Variants in KIRREL3 observed in about 807,000 individuals in gnomAD.
KIRREL3 encodes kin of IRRE-like protein 3.
KIRREL3 carries 36 observed loss-of-function variants against 89.7 expected under a neutral mutation model. The observed-to-expected ratio is 0.40, with a 90% CI of 0.31 to 0.53. The LOEUF is 0.53. KIRREL3 is among the 20% of genes least tolerant of loss of function. The pLI, the probability that KIRREL3 is intolerant of heterozygous loss-of-function variation, is 0.49. For synonymous variants in KIRREL3, 445 were observed against 441.4 expected (o/e 1.01, Z -0.10); for missense variants, 864 against 1,056.6 (o/e 0.82, Z 2.53).
At chr11:126,442,969 G>A (rs1955641294) in intron 10 of KIRREL3, among the ~76,000 whole-genome samples, 1 of 152,188 alleles carries the variant, frequency 6.6e-6, no homozygotes. Context: ...CTTGGTCAGC[G>A]CCAGGGCCCG....
chr11:126,777,796 G>T (rs375315820), intron 1 of KIRREL3, among the ~76,000 whole-genome samples: 2 of 152,212 alleles, frequency 1.3e-5, no homozygotes, highest in East Asian at 3.9e-4. Flanking sequence ...TCACCATGCT[G>T]TAACTATTTA....
chr11:126,433,318 C>A (rs1371672465), intron 13 of KIRREL3, among the ~76,000 whole-genome samples: 2 of 152,160 alleles, frequency 1.3e-5, no homozygotes, highest in Non-Finnish European at 2.9e-5. Flanking sequence ...CTGTCTTTTT[C>A]TTTAAAGGGA....
intron 7 of KIRREL3, among the ~76,000 whole-genome samples, chr11:126,451,553 CATGT>C (rs1385355275): frequency 1.6e-5 from 2 of 127,378 alleles, no homozygotes; most frequent in Non-Finnish European, 3.3e-5. Flanking sequence ...TGCATGTGTG[CATGT>C]GTGTGATCAT....
At chr11:126,586,401 T>G (rs1405748572) in intron 1 of KIRREL3, among the ~76,000 whole-genome samples, 1 of 152,056 alleles carries the variant, frequency 6.6e-6, no homozygotes, top group Non-Finnish European at 1.5e-5. Flanking sequence ...GCTGAGACCC[T>G]CTCACTGAAC....
chr11:126,621,621 T>C, intron 1 of KIRREL3, among the ~76,000 whole-genome samples: 1 of 152,204 alleles, frequency 6.6e-6, no homozygotes, highest in East Asian at 1.9e-4. Flanking sequence ...TGAATCCTAA[T>C]GTGCATTTTT....
Position 126,744,995 on chromosome 11 carries a change from A to G in KIRREL3, c.56-182083T>C, listed in dbSNP as rs1949097218. The stretch of plus-strand genomic sequence containing the variant: ...GCGAACTGTCTTGCTGGAAGTGTCC[A>G]CTGGGTAGTTGCATATTCTGGTTAG... On this transcript the variant is annotated intron_variant, in intron 1 of 16. Coordinates refer to ENST00000525144, the MANE Select transcript of KIRREL3 (RefSeq NM_032531.4). The surrounding 1 kb of genome is among the most constrained non-coding windows in gnomAD (Gnocchi z 4.7). 6.6e-6 allele frequency among the ~76,000 whole-genome samples: 1 copy of G among 152,116 alleles called. No individual in the cohort carries two copies. Among genetic ancestry groups the G allele is most frequent in the Non-Finnish European group, 1.5e-5 (1 of 68,014 alleles).
At chr11:126,910,096 CA>C (rs1946755865) in intron 1 of KIRREL3, among the ~76,000 whole-genome samples, 1 of 152,068 alleles carries the variant, frequency 6.6e-6, no homozygotes, top group Admixed American at 6.6e-5. Context: ...AGTCCATCAC[CA>C]GCTATTTTTT....
chr11:126,446,663 G>T, intron 9 of KIRREL3, 96 bp downstream of exon 9: 2 of 1,348,188 alleles, frequency 1.5e-6, no homozygotes, highest in Non-Finnish European at 2.0e-6. Flanking sequence ...GACTCCCCCA[G>T]TCTAATAGTG....
In KIRREL3 at chr11:126,607,600, T is replaced by C. The variant is rs1343256865; in HGVS notation, c.56-44688A>G. 4.6e-5 allele frequency among the ~76,000 whole-genome samples: 7 copies of C among 152,186 alleles called. No homozygotes were observed. Among genetic ancestry groups the C allele is most frequent in the Non-Finnish European group, 1.0e-4 (7 of 68,042 alleles). ...TATTAATTGATCGCTGTTATTATCA[T>C]GTAGGCATTAAGTGGCTTCCTCTGC... On this transcript the variant is annotated intron_variant, in intron 1 of 16. Coordinates refer to ENST00000525144, the MANE Select transcript of KIRREL3 (RefSeq NM_032531.4). The surrounding 1 kb of genome is among the most constrained non-coding windows in gnomAD (Gnocchi z 6.6).
chr11:126,765,824 G>A (rs73020575), intron 1 of KIRREL3, among the ~76,000 whole-genome samples: 1,617 of 152,138 alleles, frequency 0.011, 12 homozygotes, highest in Admixed American at 0.016. Context: ...ATGACACCAG[G>A]CACTCTAACT....
rs1946556871 is a variant in KIRREL3 at position 126,683,696 on chromosome 11, A to C, written c.56-120784T>G. Among the ~76,000 whole-genome samples, 1 of 152,238 alleles carries C rather than the reference A, an allele frequency of 6.6e-6. No homozygotes were observed. Among genetic ancestry groups the C allele is most frequent in the Admixed American group, 6.5e-5 (1 of 15,284 alleles). On this transcript the variant is annotated intron_variant, in intron 1 of 16. Coordinates refer to ENST00000525144, the MANE Select transcript of KIRREL3 (RefSeq NM_032531.4). This position sits in a 1 kb window ranked among gnomAD's most constrained non-coding sequence, Gnocchi z 5.2. ...CAGGAACATGGCTCTGAAGGATAGAAGCTGAAAATCAGTGTGCTGATATCA... is the reference window on the plus strand; with the variant it reads ...CAGGAACATGGCTCTGAAGGATAGACGCTGAAAATCAGTGTGCTGATATCA...
chr11:126,560,475 A>G (rs983470285), intron 2 of KIRREL3, among the ~76,000 whole-genome samples: 1 of 152,206 alleles, frequency 6.6e-6, no homozygotes, highest in Non-Finnish European at 1.5e-5. Context: ...ACCAATTGCA[A>G]TTACTCTAAC....
rs1178490533 is a variant in KIRREL3, at chr11:126,990,038, G to A, written c.55+10417C>T. ...AATATTGGCTCCCTGACCCTGGAAG[G>A]GTGGAATCACTCCTTGTGGAAGGGA... On this transcript the variant is annotated intron_variant, in intron 1 of 16. Transcript: ENST00000525144. This position sits in a 1 kb window ranked among gnomAD's most constrained non-coding sequence, Gnocchi z 6.3. Among the ~76,000 whole-genome samples the A allele has an allele frequency of 6.6e-6, 1 of 152,250 alleles. No individual in the cohort carries two copies. The highest frequency in any genetic ancestry group is 2.4e-5 in the African/African-American group (1 of 41,472).
Position 126,761,899 on chromosome 11 carries a change from C to T in KIRREL3, c.56-198987G>A, listed in dbSNP as rs1362349189. On this transcript the variant is annotated intron_variant, in intron 1 of 16. Transcript: ENST00000525144. The surrounding 1 kb of genome is among the most constrained non-coding windows in gnomAD (Gnocchi z 4.4). Reference sequence around the variant, plus strand: ...TTCCTATAATTAAATATAGTTTGGGCTGGGTGAGGTGGCTCAAGCCTGTAA... The same window carrying T: ...TTCCTATAATTAAATATAGTTTGGGTTGGGTGAGGTGGCTCAAGCCTGTAA... Among the ~76,000 whole-genome samples the T allele has an allele frequency of 6.6e-6, 1 of 152,104 alleles. No individual in the cohort carries two copies. The highest frequency in any genetic ancestry group is 1.5e-5 in the Non-Finnish European group (1 of 68,020).
At chr11:126,626,645 C>G (rs1040987817) in intron 1 of KIRREL3, among the ~76,000 whole-genome samples, 12 of 152,216 alleles carry the variant, frequency 7.9e-5, no homozygotes, top group African/African-American at 2.9e-4. Context: ...ACAACCGGCC[C>G]TGGTACTGCT....
intron 1 of KIRREL3, among the ~76,000 whole-genome samples, chr11:126,859,559 CA>C (rs746228640): frequency 8.3e-4 from 127 of 152,272 alleles, no homozygotes; most frequent in Non-Finnish European, 1.4e-3. Flanking sequence ...ATCTGAGCTG[CA>C]AAAGCTTGTT....
At chr11:126,494,946 G>A (rs146747930) in intron 4 of KIRREL3, among the ~76,000 whole-genome samples, 3 of 152,378 alleles carry the variant, frequency 2.0e-5, no homozygotes, top group African/African-American at 4.8e-5. Flanking sequence ...TGCGGGTGGC[G>A]TGGGACGGGG....
intron 4 of KIRREL3, among the ~76,000 whole-genome samples, chr11:126,517,585 T>C (rs2134417859): frequency 6.6e-6 from 1 of 152,106 alleles, no homozygotes; most frequent in East Asian, 1.9e-4. Flanking sequence ...CTTGGAGAGG[T>C]CCTATCTCCC....
At chr11:126,701,724 C>A (rs781331054) in intron 1 of KIRREL3, among the ~76,000 whole-genome samples, 1 of 152,006 alleles carries the variant, frequency 6.6e-6, no homozygotes, top group East Asian at 1.9e-4. Context: ...AGCACCTGGG[C>A]GGAGTTCTGG....
Sources: gnomAD v4.1 joint callset for allele counts (sites outside exome capture counted in the v4.1 genomes callset) on GRCh38, gnomAD v4.1.1 for gene constraint, Gnocchi (gnomAD v3.1) non-coding constraint, MANE v1.5 for transcripts, NCBI Gene and HGNC (gene_info 2026-07-23, HGNC 2026-07-21) for gene names.